The following MMRN2 variants were observed in gnomAD, a reference collection of about 807,000 sequenced individuals.
The protein encoded by MMRN2 is multimerin 2, also known as multimerin-2.
MMRN2 carries 53 observed loss-of-function variants against 68.8 expected under a neutral mutation model. The ratio of observed to expected loss-of-function variants is 0.77; its 90% CI spans 0.62 to 0.97. The LOEUF is 0.97. Among genes scored for constraint, MMRN2 ranks in the 50% least tolerant of loss-of-function variants. The probability of loss-of-function intolerance (pLI) is 0.00; values close to 1 mark genes in which losing one functional copy is unlikely to be tolerated. For synonymous variants in MMRN2, 564 were observed against 551.6 expected (o/e 1.02, Z -0.32); for missense variants, 1,266 against 1,259.5 (o/e 1.01, Z -0.08).
intron 6 of MMRN2, 42 bp from the exon 7 acceptor site, chr10:86,937,167 A>G: frequency 9.4e-6 from 15 of 1,593,636 alleles, no homozygotes; most frequent in Non-Finnish European, 1.3e-5. Flanking sequence ...CATCCCTTAC[A>G]CCATTGGGTG....
intron 1 of MMRN2, among the ~76,000 whole-genome samples, chr10:86,957,091 C>T (rs1371629652): frequency 2.0e-5 from 3 of 152,208 alleles, no homozygotes; most frequent in Non-Finnish European, 2.9e-5. Flanking sequence ...GCCACAGTCC[C>T]CCAGTGCCCC....
chr10:86,937,998 G>C (rs1005072971), intron 6 of MMRN2, among the ~76,000 whole-genome samples: 6 of 152,064 alleles, frequency 3.9e-5, no homozygotes, highest in African/African-American at 1.4e-4. Context: ...GTGCATTGGC[G>C]ATCATGGCTC....
intron 1 of MMRN2, among the ~76,000 whole-genome samples, chr10:86,951,382 A>C (rs995374687): frequency 6.6e-6 from 1 of 152,238 alleles, no homozygotes. Context: ...CCTCTCCTTC[A>C]AAAAGTATGA....
chr10:86,944,233 T>C (rs762779926), intron 5 of MMRN2, 29 bp downstream of exon 5: 9 of 1,595,384 alleles, frequency 5.6e-6, no homozygotes, highest in Non-Finnish European at 6.8e-6. Flanking sequence ...GACCAGGCTC[T>C]TCCTCAGCCC....
In MMRN2 at chr10:86,957,414, G is replaced by A. The variant is rs761899030; in HGVS notation, c.128C>T (p.Ala43Val). 6 of 1,613,664 alleles carry A rather than the reference G, an allele frequency of 3.7e-6. No homozygotes were observed. Among genetic ancestry groups the A allele is most frequent in the Non-Finnish European group, 5.1e-6 (6 of 1,179,972 alleles). ...GTCCTTGCCGGTGTCCTCAGCCTCT[G>A]CCTTCCAGACCCCAGGTGTCCTGGA... Reference protein sequence around the residue: ...QSSRTPGVWKAEAEDTGKDPV... With the variant: ...QSSRTPGVWKVEAEDTGKDPV... The change falls in exon 1 of 7, where the codon GCA (alanine) becomes GTA (valine). Residue 43 changes from alanine to valine, a missense_variant. Ala to Val is a moderately conservative substitution (Grantham distance 64, BLOSUM62 0). Transcript: ENST00000372027.
Position 86,947,822 on chromosome 10 carries a change from A to C in MMRN2, c.165-2133T>G, listed in dbSNP as rs77381705. Among the ~76,000 whole-genome samples, 1,228 of 152,362 alleles carry C rather than the reference A, an allele frequency of 8.1e-3. 31 individuals are homozygous for C. Among genetic ancestry groups the C allele is most frequent in the Admixed American group, 0.041 (622 of 15,304 alleles). ...TCTCCCATAAAAATAGCCAACCAGA[A>C]GATCCTATGACAAAATGGGTAAGAA... On this transcript the variant is annotated intron_variant, in intron 1 of 6. Transcript: ENST00000372027.
chr10:86,950,541 T>C (rs1671580532), intron 1 of MMRN2, among the ~76,000 whole-genome samples: 1 of 151,966 alleles, frequency 6.6e-6, no homozygotes, highest in South Asian at 2.1e-4. Context: ...AGGAAACAGG[T>C]TCCAACACAA....
chr10:86,938,316 C>G (rs1843909294), intron 6 of MMRN2, among the ~76,000 whole-genome samples: 1 of 152,186 alleles, frequency 6.6e-6, no homozygotes, highest in Non-Finnish European at 1.5e-5. Context: ...AGTAAATTAC[C>G]AAGCCTCCTG....
intron 1 of MMRN2, among the ~76,000 whole-genome samples, chr10:86,956,513 A>G (rs1844234602): frequency 6.6e-6 from 1 of 152,200 alleles, no homozygotes; most frequent in East Asian, 1.9e-4. Flanking sequence ...GGGTGGAGGT[A>G]GGAGCATCTG....
chr10:86,942,999 G>A lies in MMRN2; in HGVS notation c.1785C>T (p.Ala595=). 7.0e-7 allele frequency: 1 copy of A among 1,436,696 alleles called. No individual in the cohort carries two copies. Among genetic ancestry groups the A allele is most frequent in the Non-Finnish European group, 9.1e-7 (1 of 1,094,308 alleles). 89.0% of individuals were successfully genotyped at this position (1,436,696 alleles called of 1,614,324 possible). ...GCGCGTCCTCCAGCAGGGCGGCGAA[G>A]GCGCTGTGCAGCTGGCGCACCTCGT... ...ARHEVRQLHS[A]FAALLEDALR... is the part of the protein sequence containing the mutation. Residue 595 remains alanine, a synonymous_variant, in exon 6 of 7, where the codon GCC becomes GCT. Transcript: ENST00000372027.
chr10:86,936,332 C>G lies in MMRN2; in HGVS notation c.*411G>C. 2.4e-6 allele frequency: 1 copy of G among 425,102 alleles called. No homozygotes were observed. The highest frequency in any genetic ancestry group is 4.1e-6 in the Non-Finnish European group (1 of 241,536). The allele number at this position is 425,102 out of a possible 1,614,324, so 26.3% of individuals were successfully genotyped here. On this transcript the variant is annotated 3_prime_UTR_variant, in exon 7 of 7. Transcript: ENST00000372027. ...AAACATTCCTCCTGGGGAAGAATGT[C>G]TTTCTATCATACGATAAGGGAGAAG...
At position 86,936,573 on chromosome 10, in the gene MMRN2, G is replaced by A. The variant is rs767462602; in HGVS notation, c.*170C>T. On this transcript the variant is annotated 3_prime_UTR_variant, in exon 7 of 7. Transcript: ENST00000372027. ...CAGTCCTTCTCATCATGGAGAAATG[G>A]CCAAGCCCCATGTGGTTACAGGGAA... 43 of 736,534 alleles carry A rather than the reference G, an allele frequency of 5.8e-5. No homozygotes were observed. Among genetic ancestry groups the A allele is most frequent in the Non-Finnish European group, 7.8e-5 (35 of 446,674 alleles). 45.6% of individuals were successfully genotyped at this position (736,534 alleles called of 1,614,324 possible).
intron 1 of MMRN2, among the ~76,000 whole-genome samples, chr10:86,954,422 G>A (rs999208735): frequency 2.0e-5 from 3 of 152,226 alleles, no homozygotes; most frequent in Admixed American, 6.5e-5. Context: ...ATCGAAATGC[G>A]AAGAAGCTGT....
Position 86,944,397 on chromosome 10 carries a change from G to T in MMRN2, c.520C>A (p.Gln174Lys). The change falls in exon 5 of 7, where the codon CAG becomes AAG. Residue 174 changes from glutamine (Q) to lysine (K), a missense_variant. Physicochemically the swap from Gln to Lys is moderately conservative, Grantham distance 53. Coordinates refer to ENST00000372027, the MANE Select transcript of MMRN2 (RefSeq NM_024756.3). ...AAVINEVEVQ[Q>K]EQQEHLLGDL... ...CCCAGCAGATGTTCCTGCTGTTCCT[G>T]TTGCACCTCAACCTCATTGATCACT... is the stretch of plus-strand genomic sequence containing the variant. 6.2e-7 allele frequency: 1 copy of T among 1,613,970 alleles called. No homozygotes were observed. The highest frequency in any genetic ancestry group is 8.5e-7 in the Non-Finnish European group (1 of 1,180,024).
chr10:86,947,018 G>A (rs1050331661), intron 1 of MMRN2, among the ~76,000 whole-genome samples: 4 of 152,150 alleles, frequency 2.6e-5, no homozygotes, highest in Non-Finnish European at 5.9e-5. Flanking sequence ...AGACCTCAGC[G>A]GAGGAGCTGG....
rs763236264 is a variant in MMRN2, at chr10:86,942,715, G to T, written c.2069C>A (p.Ala690Asp). ...CGCCAGCCCGGCCAGGGCGGTGGTGGCGGCCTCCTCGCGGCCCGCGTCGTG... is the reference window on the plus strand; with the variant it reads ...CGCCAGCCCGGCCAGGGCGGTGGTGTCGGCCTCCTCGCGGCCCGCGTCGTG... Reference protein sequence around the residue: ...PSHDAGREEAATTALAGLARE... With the variant: ...PSHDAGREEADTTALAGLARE... Residue 690 changes from alanine (A) to aspartate (D), a missense_variant, in exon 6 of 7, where the codon GCC (alanine) becomes GAC (aspartate). By Grantham distance (126) the Ala-to-Asp change is moderately radical. Coordinates refer to ENST00000372027, the MANE Select transcript of MMRN2 (RefSeq NM_024756.3). 1 of 1,485,808 alleles carries T rather than the reference G, an allele frequency of 6.7e-7. No individual in the cohort carries two copies. The highest frequency in any genetic ancestry group is 2.5e-5 in the East Asian group (1 of 39,452). The allele number at this position is 1,485,808 out of a possible 1,614,324, so 92.0% of individuals were successfully genotyped here. A position where few individuals can be genotyped will look rare whatever the true frequency, so the allele number is the denominator to read the frequency against.
Position 86,942,730 on chromosome 10 carries a change from C to A in MMRN2, c.2054G>T (p.Gly685Val), listed in dbSNP as rs754607413. The change falls in exon 6 of 7, where the codon GGC (glycine) becomes GTC (valine). Residue 685 changes from glycine to valine, a missense_variant. Coordinates refer to ENST00000372027, the MANE Select transcript of MMRN2 (RefSeq NM_024756.3). Reference protein sequence around the residue: ...AEHLEPSHDAGREEAATTALA... With the variant: ...AEHLEPSHDAVREEAATTALA... ...GGCGGTGGTGGCGGCCTCCTCGCGG[C>A]CCGCGTCGTGGCTGGGCTCCAGGTG... 7.0e-7 allele frequency: 1 copy of A among 1,432,210 alleles called. No homozygotes were observed. The highest frequency in any genetic ancestry group is 9.1e-7 in the Non-Finnish European group (1 of 1,101,100). 88.7% of individuals were successfully genotyped at this position (1,432,210 alleles called of 1,614,324 possible). A position where few individuals can be genotyped will look rare whatever the true frequency, so the allele number is the denominator to read the frequency against.
chr10:86,941,798 T>TAAAAAAAA (rs55898424), intron 6 of MMRN2, among the ~76,000 whole-genome samples: 2 of 115,068 alleles, frequency 1.7e-5, no homozygotes, highest in African/African-American at 7.0e-5. Flanking sequence ...AGACCCATCT[T>TAAAAAAAA]AAAAAAAAAA....
intron 1 of MMRN2, among the ~76,000 whole-genome samples, chr10:86,946,642 T>C (rs1844073932): frequency 6.6e-6 from 1 of 152,116 alleles, no homozygotes; most frequent in African/African-American, 2.4e-5. Flanking sequence ...GCTGACTCCA[T>C]GGGGTCAGTG....
Sources: gnomAD v4.1 joint callset for allele counts (sites outside exome capture counted in the v4.1 genomes callset) on GRCh38, gnomAD v4.1.1 for gene constraint, MANE v1.5 for transcripts, NCBI Gene and HGNC (gene_info 2026-07-23, HGNC 2026-07-21) for gene names.